ADD1: variants seen among roughly 807,000 people sequenced by gnomAD.
The protein encoded by ADD1 is alpha-adducin.
A neutral mutation model predicts 80.5 loss-of-function variants in ADD1; 24 were observed. The observed-to-expected ratio is 0.30, with a 90% CI of 0.22 to 0.42. The LOEUF (loss-of-function observed/expected upper bound fraction) is 0.42, where lower values mean the gene tolerates loss of function less well. Among genes scored for constraint, ADD1 ranks in the 10% least tolerant of loss-of-function variants. ADD1 has a pLI of 1.00. For missense variants in ADD1, 948 were observed against 1,019.0 expected (o/e 0.93, Z 0.95); for synonymous variants, 373 against 393.8 (o/e 0.95, Z 0.63).
intron 1 of ADD1, among the ~76,000 whole-genome samples, chr4:2,852,696 C>CT (rs1312991635): frequency 0.16 from 19,318 of 118,730 alleles, 2,581 homozygotes; most frequent in Non-Finnish European, 0.24. Flanking sequence ...CAGGAAATAT[C>CT]TTTTTTTTTT....
intron 3 of ADD1, among the ~76,000 whole-genome samples, chr4:2,883,995 T>C (rs966722575): frequency 2.6e-5 from 4 of 152,230 alleles, no homozygotes; most frequent in African/African-American, 7.2e-5. Context: ...CTATCTCCTT[T>C]CTTTTGTTAA....
chr4:2,881,850 A>G (rs901976736), intron 2 of ADD1, 48 bp from the exon 3 acceptor site: 30 of 1,526,880 alleles, frequency 2.0e-5, no homozygotes, highest in Non-Finnish European at 2.5e-5. Flanking sequence ...CCCCTGCCCA[A>G]GGAACAGAAA....
chr4:2,889,986 G>A (rs1214641938), intron 4 of ADD1, among the ~76,000 whole-genome samples: 10 of 151,930 alleles, frequency 6.6e-5, no homozygotes, highest in African/African-American at 2.2e-4. Context: ...ATCCCTTGAG[G>A]CCAGGAGTTT....
chr4:2,925,248 C>T (rs77098737), intron 14 of ADD1, among the ~76,000 whole-genome samples: 1,628 of 152,246 alleles, frequency 0.011, 28 homozygotes, highest in African/African-American at 0.035. Flanking sequence ...TAGCTGCCAA[C>T]GTGGTACTTG....
At chr4:2,853,864 A>G (rs1374919791) in intron 1 of ADD1, among the ~76,000 whole-genome samples, 3 of 152,248 alleles carry the variant, frequency 2.0e-5, no homozygotes, top group South Asian at 2.1e-4. Context: ...TCGGCCTCCA[A>G]AAGTGCTGGG....
Position 2,928,193 on chromosome 4 carries a change from T to C in ADD1, c.2070T>C (p.Thr690=), listed in dbSNP as rs1712235411. Residue 690 remains threonine, a synonymous_variant, in exon 16 of 16, where the codon ACT becomes ACC. Transcript: ENST00000683351. ...LEEDLVPEPT[T]GDDSDAATFK... ...TAGACCTTGTGCCGGAGCCGACTAC[T>C]GGAGATGACAGTGATGCTGCCACCT... 1.9e-6 allele frequency: 3 copies of C among 1,614,132 alleles called. No individual in the cohort carries two copies. The East Asian group carries it at 6.7e-5, about 36-fold the overall frequency.
chr4:2,881,664 A>G, intron 2 of ADD1: 1 of 379,264 alleles, frequency 2.6e-6, no homozygotes, highest in East Asian at 4.4e-5. Context: ...TTTCCTTAAA[A>G]TAGATTCCTA....
chr4:2,865,138 C>T (rs1365985544), intron 1 of ADD1, among the ~76,000 whole-genome samples: 1 of 151,732 alleles, frequency 6.6e-6, no homozygotes, highest in Non-Finnish European at 1.5e-5. Flanking sequence ...TCCTTCTCCC[C>T]ACAAAAGATG....
Position 2,926,742 on chromosome 4 carries a change from G to A in ADD1, c.2047+630G>A, listed in dbSNP as rs1287555408. The A allele has an allele frequency of 5.3e-6, 8 of 1,517,534 alleles. No individual in the cohort carries two copies. The African/African-American group carries it at 1.1e-4, about 21-fold the overall frequency. The allele number at this position is 1,517,534 out of a possible 1,614,324, so 94.0% of individuals were successfully genotyped here. On this transcript the variant is annotated intron_variant, in intron 15 of 15. Transcript: ENST00000683351. The surrounding 1 kb of genome is among the most constrained non-coding windows in gnomAD (Gnocchi z 5.0). ...CTTTGCCTCATTCTCCTGCTTCTTT[G>A]TTGTTTATTAAGTTTTGTTTTCTGT...
At chr4:2,896,270 G>C (rs564390311) in intron 6 of ADD1, among the ~76,000 whole-genome samples, 1 of 150,778 alleles carries the variant, frequency 6.6e-6, no homozygotes, top group East Asian at 2.0e-4. Flanking sequence ...GTGCAGTGGC[G>C]CACTCTCAAC....
intron 2 of ADD1, among the ~76,000 whole-genome samples, chr4:2,880,589 C>A (rs1283616433): frequency 6.7e-6 from 1 of 149,436 alleles, no homozygotes; most frequent in Admixed American, 6.7e-5. Context: ...CATTGTCCTG[C>A]CTCAGCCTCC....
intron 15 of ADD1, among the ~76,000 whole-genome samples, chr4:2,927,682 G>A (rs1712063114): frequency 6.6e-6 from 1 of 152,164 alleles, no homozygotes; most frequent in South Asian, 2.1e-4. Context: ...TTGTTCTTTT[G>A]GATGTTGACG....
In ADD1 at chr4:2,867,504, G is replaced by C. The variant is rs967456261; in HGVS notation, c.-20-8392G>C. ...ACCATAGTCTTAATTTCAGATTCTT[G>C]CTTCTCCACTTACTGCCTACTAAAC... On this transcript the variant is annotated intron_variant, in intron 1 of 15. Transcript: ENST00000683351. Among the ~76,000 whole-genome samples the C allele has an allele frequency of 5.3e-5, 8 of 152,302 alleles. No homozygotes were observed. In the East Asian group the frequency reaches 1.5e-3, roughly 29 times the overall value.
intron 1 of ADD1, among the ~76,000 whole-genome samples, chr4:2,846,556 A>G (rs1726225165): frequency 6.6e-6 from 1 of 152,172 alleles, no homozygotes; most frequent in South Asian, 2.1e-4. Context: ...ATAATTTTTC[A>G]TGCCTCCACT....
intron 1 of ADD1, among the ~76,000 whole-genome samples, chr4:2,846,713 G>A (rs1387190593): frequency 4.0e-5 from 6 of 151,000 alleles, no homozygotes; most frequent in Non-Finnish European, 4.4e-5. Flanking sequence ...GGATGGGCCT[G>A]TAATCGTAGC....
intron 2 of ADD1, among the ~76,000 whole-genome samples, chr4:2,879,957 C>T (rs181376396): frequency 6.9e-4 from 105 of 152,252 alleles, no homozygotes; most frequent in African/African-American, 2.4e-3. Flanking sequence ...TCAAGTGATC[C>T]GCCTCCCTTG....
chr4:2,874,761 T>C (rs973832717), intron 1 of ADD1, among the ~76,000 whole-genome samples: 1 of 152,212 alleles, frequency 6.6e-6, no homozygotes, highest in African/African-American at 2.4e-5. Flanking sequence ...TAAAAATATC[T>C]TTTTTGCATA....
At chr4:2,887,604 C>T (rs1733598623) in intron 4 of ADD1, 1 of 152,098 alleles carries the variant, frequency 6.6e-6, no homozygotes. Context: ...CTGGCAGGTG[C>T]TTGTTCAACT....
At chr4:2,908,830 G>A in intron 12 of ADD1, 1 of 571,208 alleles carries the variant, frequency 1.8e-6, no homozygotes, top group Non-Finnish European at 3.1e-6. Flanking sequence ...CATGCCCCTT[G>A]TAATGCATGC....
Sources: gnomAD v4.1 joint callset for allele counts (sites outside exome capture counted in the v4.1 genomes callset) on GRCh38, gnomAD v4.1.1 for gene constraint, Gnocchi (gnomAD v3.1) non-coding constraint, MANE v1.5 for transcripts, NCBI Gene and HGNC (gene_info 2026-07-23, HGNC 2026-07-21) for gene names.